TBC1D22A: variants seen among roughly 807,000 people sequenced by gnomAD.
The protein encoded by TBC1D22A is putative GTPase activator.
In TBC1D22A, 38 loss-of-function variants were observed where a neutral mutation model predicts 60.2. The ratio of observed to expected loss-of-function variants is 0.63; its 90% CI spans 0.49 to 0.83. The LOEUF (loss-of-function observed/expected upper bound fraction) is 0.83, where lower values mean the gene tolerates loss of function less well. Among genes scored for constraint, TBC1D22A ranks in the 40% least tolerant of loss-of-function variants. The probability of loss-of-function intolerance (pLI) is 0.00; values close to 1 mark genes in which losing one functional copy is unlikely to be tolerated. For synonymous variants in TBC1D22A, 302 were observed against 281.7 expected (o/e 1.07, Z -0.72); for missense variants, 628 against 701.0 (o/e 0.90, Z 1.18).
chr22:46,998,565 C>T (rs111479191), intron 10 of TBC1D22A, among the ~76,000 whole-genome samples: 3,371 of 152,370 alleles, frequency 0.022, 62 homozygotes, highest in South Asian at 0.083. Flanking sequence ...TGAGCGTTGC[C>T]GGTCACTGTG....
chr22:47,168,809 C>T (rs1282457470), intron 12 of TBC1D22A, among the ~76,000 whole-genome samples: 1 of 152,034 alleles, frequency 6.6e-6, no homozygotes, highest in South Asian at 2.1e-4. Flanking sequence ...CACTAGGATT[C>T]GTTTGACTCA....
chr22:47,005,909 C>G (rs773354796), intron 10 of TBC1D22A, among the ~76,000 whole-genome samples: 1 of 151,258 alleles, frequency 6.6e-6, no homozygotes. Context: ...TATACACAGA[C>G]ACACACCCAT....
intron 8 of TBC1D22A, among the ~76,000 whole-genome samples, chr22:46,943,514 G>A (rs2072311716): frequency 1.3e-5 from 2 of 152,232 alleles, no homozygotes; most frequent in South Asian, 4.1e-4. Flanking sequence ...GAGCATCGGG[G>A]ACTGTGCCTG....
At chr22:46,997,285 G>C (rs779857366) in intron 9 of TBC1D22A, among the ~76,000 whole-genome samples, 1 of 152,256 alleles carries the variant, frequency 6.6e-6, no homozygotes, top group Non-Finnish European at 1.5e-5. Flanking sequence ...GAGGTGGTCA[G>C]TTCCCACAGA....
chr22:47,033,924 A>C (rs2062570598), intron 10 of TBC1D22A, among the ~76,000 whole-genome samples: 1 of 151,966 alleles, frequency 6.6e-6, no homozygotes, highest in Middle Eastern at 3.2e-3. Context: ...GTGTCTCTTC[A>C]TCTGTGGGGA....
At position 47,050,170 on chromosome 22, in the gene TBC1D22A, A is replaced by G. The variant is rs189665479; in HGVS notation, c.1329+12972A>G. Among the ~76,000 whole-genome samples the G allele has an allele frequency of 3.9e-4, 59 of 152,206 alleles. No homozygotes were observed. The East Asian group carries it at 0.01, about 26-fold the overall frequency. ...AGGCGCCTGCCACCACGCCTGGCTAATTTTTGTATTTTTTAGTAGAGACGG... is the reference window on the plus strand; with the variant it reads ...AGGCGCCTGCCACCACGCCTGGCTAGTTTTTGTATTTTTTAGTAGAGACGG... On this transcript the variant is annotated intron_variant, in intron 11 of 12. Transcript: ENST00000337137.
At chr22:46,972,623 G>A (rs894780377) in intron 8 of TBC1D22A, among the ~76,000 whole-genome samples, 2 of 152,200 alleles carry the variant, frequency 1.3e-5, no homozygotes, top group Admixed American at 6.5e-5. Flanking sequence ...GTTCGTGGTT[G>A]CCAGGCGTGG....
chr22:47,089,780 A>C (rs2064847482), intron 11 of TBC1D22A, among the ~76,000 whole-genome samples: 1 of 152,172 alleles, frequency 6.6e-6, no homozygotes, highest in African/African-American at 2.4e-5. Flanking sequence ...TTCCCTGGTT[A>C]ATGGTTATTG....
At chr22:47,051,441 C>T (rs192961353) in intron 11 of TBC1D22A, among the ~76,000 whole-genome samples, 5 of 152,312 alleles carry the variant, frequency 3.3e-5, no homozygotes, top group Admixed American at 2.6e-4. Flanking sequence ...GGTCCTCAGC[C>T]GTGCTCTCTG....
At chr22:47,159,250 G>C (rs920747991) in intron 12 of TBC1D22A, among the ~76,000 whole-genome samples, 3 of 140,634 alleles carry the variant, frequency 2.1e-5, no homozygotes, top group Non-Finnish European at 4.6e-5. Context: ...AATATACCAT[G>C]TATGCACGCA....
At chr22:46,767,100 T>G (rs1601775907) in intron 1 of TBC1D22A, among the ~76,000 whole-genome samples, 1 of 152,222 alleles carries the variant, frequency 6.6e-6, no homozygotes, top group Non-Finnish European at 1.5e-5. Flanking sequence ...GTCTTGCTGG[T>G]AGACCCTCGG....
intron 10 of TBC1D22A, among the ~76,000 whole-genome samples, chr22:47,004,123 A>G (rs2061497956): frequency 6.7e-6 from 1 of 148,652 alleles, no homozygotes; most frequent in South Asian, 2.1e-4. Context: ...ACAGATGCCT[A>G]TACACACATC....
intron 11 of TBC1D22A, among the ~76,000 whole-genome samples, chr22:47,060,211 TCTGCGGCCC>T (rs1053496178): frequency 7.3e-5 from 11 of 151,410 alleles, no homozygotes; most frequent in African/African-American, 2.7e-4. Flanking sequence ...CCCTTCAGCC[TCTGCGGCCC>T]CTGCTAAGGG....
chr22:46,838,561 A>G (rs2086616432), intron 4 of TBC1D22A, among the ~76,000 whole-genome samples: 1 of 151,612 alleles, frequency 6.6e-6, no homozygotes, highest in Admixed American at 6.6e-5. Context: ...CTGTATTATG[A>G]GGATATATTA....
rs368998625 is a variant in TBC1D22A, at chr22:46,939,245, A to T, written c.1015+27057A>T. 3.1e-4 allele frequency among the ~76,000 whole-genome samples: 47 copies of T among 152,360 alleles called. No individual in the cohort carries two copies. The East Asian group carries it at 4.6e-3, about 15-fold the overall frequency. On this transcript the variant is annotated intron_variant, in intron 8 of 12. Coordinates refer to ENST00000337137, the MANE Select transcript of TBC1D22A (RefSeq NM_014346.5). ...GAGAGCAGCTCTCTAGATGCTAATG[A>T]TGATGGTGAAATTGATCATATCAGC...
In TBC1D22A at chr22:47,113,564, G is replaced by A. The variant is rs560242653; in HGVS notation, c.1425+1961G>A. 1.4e-3 allele frequency among the ~76,000 whole-genome samples: 220 copies of A among 152,326 alleles called. 2 individuals carry two copies. Among genetic ancestry groups the A allele is most frequent in the Middle Eastern group, 6.8e-3 (2 of 294 alleles). On this transcript the variant is annotated intron_variant, in intron 12 of 12. Coordinates refer to ENST00000337137, the MANE Select transcript of TBC1D22A (RefSeq NM_014346.5). Reference sequence around the variant, plus strand: ...GGCAGACTCTAAGCCACACATATGCGAGGAATGGACCCTGAGCACATTCTG... The same window carrying A: ...GGCAGACTCTAAGCCACACATATGCAAGGAATGGACCCTGAGCACATTCTG...
chr22:47,037,231 G>A (rs371227597), intron 11 of TBC1D22A, 33 bp downstream of exon 11: 3 of 1,609,286 alleles, frequency 1.9e-6, no homozygotes, highest in East Asian at 2.2e-5. Flanking sequence ...CGCCATGGGG[G>A]TGCCAGGAGC....
chr22:46,809,569 C>A (rs1420499543), intron 4 of TBC1D22A, among the ~76,000 whole-genome samples: 6 of 152,164 alleles, frequency 3.9e-5, no homozygotes, highest in Admixed American at 1.3e-4. Flanking sequence ...TCCCCTGCCA[C>A]CCTGACCCTT....
chr22:47,074,588 A>T (rs2064128419), intron 11 of TBC1D22A, among the ~76,000 whole-genome samples: 1 of 152,262 alleles, frequency 6.6e-6, no homozygotes, highest in Non-Finnish European at 1.5e-5. Context: ...AATTAGATGC[A>T]TACAATCTAA....
Sources: allele counts gnomAD v4.1 joint callset (sites outside exome capture counted in the v4.1 genomes callset), GRCh38; gene constraint gnomAD v4.1.1; transcripts MANE v1.5; gene names NCBI Gene and HGNC (gene_info 2026-07-23, HGNC 2026-07-21).